WDPCP: variants seen among roughly 807,000 people sequenced by gnomAD.
WDPCP encodes WD repeat-containing and planar cell polarity effector protein fritz homolog.
Under a neutral mutation model 93.1 loss-of-function variants are expected in WDPCP, and 71 were observed. That is an observed-to-expected ratio of 0.76 (90% CI 0.63 to 0.93). The LOEUF is 0.93. Among genes scored for constraint, WDPCP ranks in the 40% least tolerant of loss-of-function variants. WDPCP has a pLI of 0.00. For synonymous variants in WDPCP, 315 were observed against 315.0 expected, an observed-to-expected ratio of 1.00 and a Z score of 0.00; for missense variants, 844 against 887.4, an observed-to-expected ratio of 0.95 and a Z score of 0.62.
intron 1 of WDPCP, among the ~76,000 whole-genome samples, chr2:63,821,391 ATTG>A (rs1671015003): frequency 1.3e-5 from 2 of 152,328 alleles, no homozygotes; most frequent in African/African-American, 2.4e-5. Context: ...ATGGAAAATA[ATTG>A]TTAAGATTTA....
At chr2:63,830,726 G>T (rs1575784582), upstream of WDPCP, among the ~76,000 whole-genome samples, 1 of 152,030 alleles carries the variant, frequency 6.6e-6, no homozygotes, top group South Asian at 2.1e-4. Flanking sequence ...ACGTTATCCT[G>T]GTTTTCTTAA....
chr2:63,380,882 AT>A (rs931294669), intron 11 of WDPCP, among the ~76,000 whole-genome samples: 25 of 152,154 alleles, frequency 1.6e-4, no homozygotes, highest in African/African-American at 6.0e-4. Context: ...CTTACTAATT[AT>A]TCTTCTCTAA....
At chr2:63,198,133 T>A (rs1331302513) in intron 14 of WDPCP, among the ~76,000 whole-genome samples, 1 of 152,174 alleles carries the variant, frequency 6.6e-6, no homozygotes, top group African/African-American at 2.4e-5. Flanking sequence ...GTGTGAGGAG[T>A]GAATCCAATT....
intron 2 of WDPCP, among the ~76,000 whole-genome samples, chr2:63,809,320 C>T (rs1430486647): frequency 6.6e-6 from 1 of 151,002 alleles, no homozygotes; most frequent in African/African-American, 2.4e-5. Flanking sequence ...GCCAGCCGCC[C>T]CGTCCGGGAG....
At chr2:63,372,726 C>T (rs182973815) in intron 12 of WDPCP, among the ~76,000 whole-genome samples, 49 of 152,262 alleles carry the variant, frequency 3.2e-4, no homozygotes, top group African/African-American at 1.2e-3. Flanking sequence ...CTATGTTACA[C>T]ACATTTAGAA....
chr2:63,403,940 T>C (rs1694343570), intron 10 of WDPCP, 108 bp downstream of exon 10: 6 of 1,475,708 alleles, frequency 4.1e-6, no homozygotes, highest in Non-Finnish European at 5.6e-6. Context: ...AACATATTTA[T>C]GGGATGATAA....
intron 12 of WDPCP, among the ~76,000 whole-genome samples, chr2:63,340,127 C>T (rs141097026): frequency 6.6e-6 from 1 of 152,216 alleles, no homozygotes; most frequent in East Asian, 1.9e-4. Flanking sequence ...TTCTGTCCAG[C>T]TTGTTTTGTT....
chr2:63,668,503 C>A (rs1435415365), intron 2 of WDPCP, among the ~76,000 whole-genome samples: 1 of 152,180 alleles, frequency 6.6e-6, no homozygotes. Flanking sequence ...AAAAGAAAAT[C>A]CAGATCTGTA....
At position 63,671,582 on chromosome 2, in the gene WDPCP, C is replaced by T. The variant is rs1319518355; in HGVS notation, n.309-20744G>A. Among the ~76,000 whole-genome samples the T allele has an allele frequency of 5.9e-5, 9 of 152,108 alleles. No homozygotes were observed. In the East Asian group the frequency reaches 1.7e-3, roughly 30 times the overall value. ...TTTTTTTTTGACACGGAGTCTCACT[C>T]TGTCACCCAGGCTGGAGTGCAGTGG... On this transcript the variant is annotated intron_variant and non_coding_transcript_variant, in intron 2 of 4. Transcript: ENST00000467687.
rs142144562 is a variant in WDPCP at position 63,385,939 on chromosome 2, T to C, written c.1436-3845A>G. On this transcript the variant is annotated intron_variant, in intron 10 of 17. Coordinates refer to ENST00000272321, the MANE Select transcript of WDPCP (RefSeq NM_015910.7). Reference sequence around the variant, plus strand: ...AGACATTTAATTCACTAAAAGACAATACAGTTATTGATAGATCAAAGTAAT... The same window carrying C: ...AGACATTTAATTCACTAAAAGACAACACAGTTATTGATAGATCAAAGTAAT... Among the ~76,000 whole-genome samples the C allele has an allele frequency of 1.7e-3, 256 of 152,092 alleles. 2 individuals carry two copies. The highest frequency in any genetic ancestry group is 5.8e-3 in the African/African-American group (239 of 41,530).
At chr2:63,665,057 G>A (rs1003984310) in intron 2 of WDPCP, among the ~76,000 whole-genome samples, 1 of 152,280 alleles carries the variant, frequency 6.6e-6, no homozygotes, top group East Asian at 1.9e-4. Flanking sequence ...TTGTAGAGCT[G>A]GACAGAATCC....
intron 6 of WDPCP, chr2:63,441,309 C>G (rs371357878): frequency 2.0e-5 from 3 of 152,070 alleles, no homozygotes; most frequent in African/African-American, 7.2e-5. Context: ...AGAATCCCCC[C>G]ATAGCAACAC....
At chr2:63,399,193 G>A (rs1575330183) in intron 10 of WDPCP, among the ~76,000 whole-genome samples, 1 of 152,174 alleles carries the variant, frequency 6.6e-6, no homozygotes, top group East Asian at 1.9e-4. Context: ...AAATTTAAAT[G>A]ATAAATGTCA....
intron 1 of WDPCP, among the ~76,000 whole-genome samples, chr2:63,561,687 A>C (rs1331056250): frequency 6.6e-6 from 1 of 152,208 alleles, no homozygotes; most frequent in African/African-American, 2.4e-5. Context: ...AGAAAAAAAC[A>C]ACCCCACTAA....
intron 2 of WDPCP, among the ~76,000 whole-genome samples, chr2:63,490,841 C>G (rs536545333): frequency 1.3e-5 from 2 of 152,194 alleles, no homozygotes; most frequent in East Asian, 3.9e-4. Context: ...GGGGTCCAAG[C>G]TGGGTAGGAA....
chr2:63,276,257 CTGATATAG>C (rs1423290767), intron 13 of WDPCP, among the ~76,000 whole-genome samples: 9 of 152,166 alleles, frequency 5.9e-5, no homozygotes, highest in Admixed American at 4.6e-4. Context: ...GATCTTCCCT[CTGATATAG>C]TCCACCAAAT....
At chr2:63,180,921 T>C (rs1250437971) in intron 14 of WDPCP, among the ~76,000 whole-genome samples, 2 of 152,204 alleles carry the variant, frequency 1.3e-5, no homozygotes, top group Non-Finnish European at 2.9e-5. Context: ...ATTTCTCTGA[T>C]TGTGAGTGAT....
At chr2:63,637,471 G>A (rs1709932756) in intron 3 of WDPCP, among the ~76,000 whole-genome samples, 1 of 132,342 alleles carries the variant, frequency 7.6e-6, no homozygotes, top group Non-Finnish European at 1.6e-5. Flanking sequence ...TCAACAAAAT[G>A]GAAAGGCAAC....
intron 14 of WDPCP, among the ~76,000 whole-genome samples, chr2:63,191,308 C>T (rs1006143820): frequency 4.6e-5 from 7 of 152,104 alleles, no homozygotes; most frequent in Non-Finnish European, 8.8e-5. Flanking sequence ...AGGAGAATGG[C>T]GTGAACCCGG....
Sources: allele counts gnomAD v4.1 joint callset (sites outside exome capture counted in the v4.1 genomes callset), GRCh38; gene constraint gnomAD v4.1.1; transcripts MANE v1.5; gene names NCBI Gene and HGNC (gene_info 2026-07-23, HGNC 2026-07-21).